Variants in LRPPRC observed in about 807,000 individuals in gnomAD.
LRPPRC encodes leucine-rich PPR motif-containing protein, mitochondrial.
LRPPRC carries 120 observed loss-of-function variants against 180.3 expected under a neutral mutation model. The ratio of observed to expected loss-of-function variants is 0.67; its 90% CI spans 0.57 to 0.77. The LOEUF (loss-of-function observed/expected upper bound fraction) is 0.77. Ranked by LOEUF, LRPPRC falls within the 30% of genes least tolerant of loss-of-function variation. The pLI, the probability that LRPPRC is intolerant of heterozygous loss-of-function variation, is 0.00. For synonymous variants in LRPPRC, 723 were observed against 600.0 expected, an observed-to-expected ratio of 1.21 and a Z score of -3.00; for missense variants, 2,012 against 1,657.2, an observed-to-expected ratio of 1.21 and a Z score of -3.72.
chr2:43,894,535 CTT>C lies in LRPPRC; in HGVS notation c.3985+8_3985+9del. ...AAATAAATAATATAGTCAAATTAAA[CTT>C]ATATTACCATAGCTTTTCATGAGGG... On this transcript the variant is annotated splice_region_variant and intron_variant, in intron 36 of 37. Coordinates refer to ENST00000260665, the MANE Select transcript of LRPPRC (RefSeq NM_133259.4). 7.8e-7 allele frequency: 1 copy of C among 1,283,020 alleles called. No individual in the cohort carries two copies. The highest frequency in any genetic ancestry group is 1.1e-6 in the Non-Finnish European group (1 of 879,248). 79.5% of individuals were successfully genotyped at this position (1,283,020 alleles called of 1,614,324 possible).
At chr2:43,931,022 G>C (rs1160991182) in intron 25 of LRPPRC, among the ~76,000 whole-genome samples, 3 of 151,916 alleles carry the variant, frequency 2.0e-5, no homozygotes, top group African/African-American at 7.3e-5. Flanking sequence ...TCCAAGACCA[G>C]ACATTAAATC....
intron 11 of LRPPRC, among the ~76,000 whole-genome samples, chr2:43,964,577 C>T (rs1673478092): frequency 6.6e-6 from 1 of 152,122 alleles, no homozygotes. Context: ...GAATTTGTTA[C>T]ATGATGAACT....
chr2:43,996,137 T>C (rs555203493), upstream of LRPPRC: 74 of 545,994 alleles, frequency 1.4e-4, no homozygotes, highest in Middle Eastern at 9.6e-4. Context: ...ATGTAATATT[T>C]ACATAAACGA....
intron 36 of LRPPRC, among the ~76,000 whole-genome samples, chr2:43,893,427 T>G (rs1366747948): frequency 2.0e-5 from 3 of 152,192 alleles, no homozygotes; most frequent in African/African-American, 4.8e-5. Context: ...TCTTAAGACA[T>G]CTCAACCTTT....
chr2:43,945,350 T>G lies in LRPPRC; in HGVS notation c.2278A>C (p.Lys760Gln), dbSNP rs768596012. The change falls in exon 22 of 38, where the codon AAG becomes CAG. Residue 760 changes from lysine (K) to glutamine (Q), a missense_variant. By Grantham distance (53) the Lys-to-Gln change is moderately conservative. Transcript: ENST00000260665. ...GGCTTACCTTGGAGCTTGCCATGCT[T>G]TGCCAATACTCTTACAAGGCCTACA... The part of the protein sequence containing the change: ...KYVGLVRVLA[K>Q]HGKLQDAINI... 11 of 1,611,938 alleles carry G rather than the reference T, an allele frequency of 6.8e-6. No homozygotes were observed. Among genetic ancestry groups the G allele is most frequent in the Non-Finnish European group, 5.9e-6 (7 of 1,178,166 alleles).
intron 33 of LRPPRC, 53 bp from the exon 34 acceptor site, chr2:43,899,387 A>T (rs1389602754): frequency 6.3e-7 from 1 of 1,598,384 alleles, no homozygotes; most frequent in Non-Finnish European, 8.6e-7. Flanking sequence ...GGTATAACTC[A>T]CCTACCAAAG....
At chr2:43,903,071 G>C (rs1412798445) in intron 31 of LRPPRC, 3 of 152,224 alleles carry the variant, frequency 2.0e-5, no homozygotes, top group Admixed American at 6.5e-5. Context: ...TTCCGTCTAT[G>C]AGTGCGCGTG....
At chr2:43,932,791 A>G (rs1017747994) in intron 25 of LRPPRC, among the ~76,000 whole-genome samples, 2 of 152,212 alleles carry the variant, frequency 1.3e-5, no homozygotes, top group Admixed American at 1.3e-4. Context: ...GGAAGCTTAG[A>G]AAGGTTTAAT....
chr2:43,905,630 G>T, intron 31 of LRPPRC, 62 bp downstream of exon 31: 2 of 1,159,254 alleles, frequency 1.7e-6, no homozygotes, highest in Non-Finnish European at 2.6e-6. Context: ...TATTCGAAGG[G>T]CGTTACAAGA....
At chr2:43,944,197 C>T (rs950737266) in intron 22 of LRPPRC, among the ~76,000 whole-genome samples, 3 of 152,046 alleles carry the variant, frequency 2.0e-5, no homozygotes, top group African/African-American at 4.8e-5. Context: ...ATGCTTTTAT[C>T]GTTCAGAGCT....
Position 43,977,238 on chromosome 2 carries a change from T to C in LRPPRC, c.508A>G (p.Lys170Glu). The change falls in exon 4 of 38, where the codon AAA becomes GAA. Residue 170 changes from lysine to glutamate, a missense_variant. Coordinates refer to ENST00000260665, the MANE Select transcript of LRPPRC (RefSeq NM_133259.4). ...TTATATTCATTTTGAAGATAGACTT[T>C]AAGTAAAGCATTATAGTGACTCACA... ...YDVSHYNALL[K>E]VYLQNEYKFS... 1 of 1,601,152 alleles carries C rather than the reference T, an allele frequency of 6.2e-7. No homozygotes were observed. Among genetic ancestry groups the C allele is most frequent in the South Asian group, 1.1e-5 (1 of 90,826 alleles).
chr2:43,908,681 A>G (rs1671148423), intron 30 of LRPPRC, among the ~76,000 whole-genome samples: 1 of 151,774 alleles, frequency 6.6e-6, no homozygotes, highest in African/African-American at 2.4e-5. Context: ...ACGCACCACC[A>G]CGCCTGACTA....
chr2:43,943,997 G>T (rs1672588299), intron 22 of LRPPRC, 103 bp from the exon 23 acceptor site: 5 of 784,696 alleles, frequency 6.4e-6, no homozygotes, highest in African/African-American at 1.7e-5. Flanking sequence ...AAATTCTAGT[G>T]TATAATGCCG....
At chr2:43,937,404 T>A (rs1358921547) in intron 23 of LRPPRC, among the ~76,000 whole-genome samples, 1 of 152,174 alleles carries the variant, frequency 6.6e-6, no homozygotes, top group East Asian at 1.9e-4. Flanking sequence ...AATTCGGACT[T>A]GTGGTTGGAT....
At chr2:43,957,356 G>A in intron 14 of LRPPRC, 29 bp downstream of exon 14, 1 of 1,519,840 alleles carries the variant, frequency 6.6e-7, no homozygotes, top group Non-Finnish European at 9.1e-7. Context: ...CCATGTTCAG[G>A]CAAGGAACAT....
rs1254880343 is a variant in LRPPRC at position 43,915,230 on chromosome 2, TCTCACA to T, written c.3149-2678_3149-2673del. Among the ~76,000 whole-genome samples, 29 of 47,428 alleles carry T rather than the reference TCTCACA, an allele frequency of 6.1e-4. No homozygotes were observed. The East Asian group carries it at 0.01, about 17-fold the overall frequency. 31.1% of individuals were successfully genotyped at this position (47,428 alleles called of 152,430 possible). ...CTCTCTCTCTCTCTCTCTCTCTCTC[TCTCACA>T]CACACACACACACACACACACACAC... On this transcript the variant is annotated intron_variant, in intron 29 of 37. Transcript: ENST00000260665.
At chr2:43,962,345 A>C (rs950295594) in intron 12 of LRPPRC, among the ~76,000 whole-genome samples, 1 of 152,192 alleles carries the variant, frequency 6.6e-6, no homozygotes. Flanking sequence ...AGGTGAAGAC[A>C]CTGAAGATAT....
At chr2:43,974,524 G>T (rs1326493119) in intron 8 of LRPPRC, 90 bp downstream of exon 8, 38 of 963,534 alleles carry the variant, frequency 3.9e-5, no homozygotes, top group Non-Finnish European at 1.5e-5. Flanking sequence ...CTCCCACAAT[G>T]CCCATTGTTA....
chr2:43,889,206 T>C (rs895358351), intron 37 of LRPPRC, among the ~76,000 whole-genome samples: 27 of 143,516 alleles, frequency 1.9e-4, no homozygotes, highest in African/African-American at 7.0e-4. Flanking sequence ...TCCCAGCTAC[T>C]TGGGAGGCTG....
Sources: gnomAD v4.1 joint callset for allele counts (sites outside exome capture counted in the v4.1 genomes callset) on GRCh38, gnomAD v4.1.1 for gene constraint, MANE v1.5 for transcripts, NCBI Gene and HGNC (gene_info 2026-07-23, HGNC 2026-07-21) for gene names.